The following HDAC7 variants were observed in gnomAD, a reference collection of about 807,000 sequenced individuals.
HDAC7 encodes histone deacetylase 7A.
In HDAC7, 26 loss-of-function variants were observed where a neutral mutation model predicts 115.5. The observed-to-expected ratio is 0.23, with a 90% CI of 0.16 to 0.31. The LOEUF is 0.31. HDAC7 is among the 10% of genes least tolerant of loss of function. The pLI, the probability that HDAC7 is intolerant of heterozygous loss-of-function variation, is 1.00. For synonymous variants in HDAC7, 564 were observed against 550.9 expected, an observed-to-expected ratio of 1.02 and a Z score of -0.33; for missense variants, 1,068 against 1,329.0, an observed-to-expected ratio of 0.80 and a Z score of 3.05.
At chr12:47,814,005 C>T (rs1388883009) in intron 1 of HDAC7, among the ~76,000 whole-genome samples, 2 of 152,218 alleles carry the variant, frequency 1.3e-5, no homozygotes, top group Middle Eastern at 3.2e-3. Context: ...TGAAAGTTAA[C>T]CTCCTGAGAG....
intron 1 of HDAC7, among the ~76,000 whole-genome samples, chr12:47,805,064 C>A (rs886826454): frequency 3.4e-5 from 5 of 147,952 alleles, no homozygotes; most frequent in Non-Finnish European, 7.5e-5. Context: ...CCTCCAGTGT[C>A]TTTTCTTAAT....
chr12:47,787,654 C>T, intron 21 of HDAC7, 58 bp downstream of exon 21: 2 of 1,274,172 alleles, frequency 1.6e-6, no homozygotes, highest in East Asian at 2.5e-5. Flanking sequence ...CCCTGGTGCT[C>T]TTGGGAGAAG....
At chr12:47,810,846 CT>C (rs1197241846) in intron 1 of HDAC7, among the ~76,000 whole-genome samples, 79 of 84,046 alleles carry the variant, frequency 9.4e-4, no homozygotes, top group Admixed American at 7.8e-3. Flanking sequence ...CTCTCTCTCT[CT>C]ATCTCTATCT....
At chr12:47,801,234 C>T (rs1944150499) in intron 2 of HDAC7, among the ~76,000 whole-genome samples, 3 of 152,322 alleles carry the variant, frequency 2.0e-5, no homozygotes, top group Middle Eastern at 6.8e-3. Context: ...CTGAGTTAAG[C>T]TCCATAGGGC....
At chr12:47,808,732 C>T (rs1944518158) in intron 1 of HDAC7, among the ~76,000 whole-genome samples, 1 of 152,226 alleles carries the variant, frequency 6.6e-6, no homozygotes, top group Admixed American at 6.5e-5. Flanking sequence ...CCTGCATCTA[C>T]TTCCTATTAC....
At chr12:47,815,537 A>C (rs556619472) in intron 1 of HDAC7, among the ~76,000 whole-genome samples, 6 of 152,326 alleles carry the variant, frequency 3.9e-5, no homozygotes, top group Non-Finnish European at 7.3e-5. Context: ...GGATCACCTG[A>C]AGCACCTGTT....
chr12:47,820,204 C>A (rs968643503), upstream of HDAC7, among the ~76,000 whole-genome samples: 10 of 151,800 alleles, frequency 6.6e-5, no homozygotes, highest in Admixed American at 1.3e-4. The surrounding 1 kb of genome is among the most constrained non-coding windows in gnomAD (Gnocchi z 4.3). Flanking sequence ...CGCTCCGAGC[C>A]GTGCACAATT....
intron 1 of HDAC7, among the ~76,000 whole-genome samples, chr12:47,805,366 A>G (rs1592683695): frequency 6.7e-6 from 1 of 150,194 alleles, no homozygotes; most frequent in Non-Finnish European, 1.5e-5. Context: ...GGCTGTTCCC[A>G]CCTCCCTGGA....
chr12:47,796,876 C>T (rs1943879160), intron 7 of HDAC7, 141 bp downstream of exon 7: 9 of 893,982 alleles, frequency 1.0e-5, no homozygotes, highest in South Asian at 5.1e-5. Context: ...TCCCCCGCTT[C>T]GGCAAGTGTG....
Position 47,794,790 on chromosome 12 carries a change from T to C in HDAC7, c.1428A>G (p.Arg476=). 1 of 1,610,572 alleles carries C rather than the reference T, an allele frequency of 6.2e-7. No homozygotes were observed. ...RELGHGQPEA[R]GPAPLQQHPQ... ...GGTGCTGCTGGAGAGGAGCGGGGCCTCTGGCCTCAGGCTGCCCATGGCCCA... is the reference window on the plus strand; with the variant it reads ...GGTGCTGCTGGAGAGGAGCGGGGCCCCTGGCCTCAGGCTGCCCATGGCCCA... Residue 476 remains arginine, a synonymous_variant, in exon 12 of 26, where the codon AGA becomes AGG. Transcript: ENST00000080059.
chr12:47,792,158 G>A (rs951880611), intron 13 of HDAC7, 154 bp from the exon 14 acceptor site: 2 of 836,848 alleles, frequency 2.4e-6, no homozygotes, highest in Non-Finnish European at 3.6e-6. Context: ...ATTTCATCCT[G>A]CCCCTACCCC....
rs774438880 is a variant in HDAC7, at chr12:47,797,824, A to AGG, written c.461+282_461+283dup. Among the ~76,000 whole-genome samples the AGG allele has an allele frequency of 1.4e-5, 2 of 141,752 alleles. No individual in the cohort carries two copies. The highest frequency in any genetic ancestry group is 1.5e-5 in the Non-Finnish European group (1 of 65,218). The allele number at this position is 141,752 out of a possible 152,430, so 93.0% of individuals were successfully genotyped here. ...CGCTCAGGGAAAATATAAAGAGAGA[A>AGG]GGGGCTCATGTGCAAGAAAAAAGCC... On this transcript the variant is annotated intron_variant, in intron 5 of 25. Coordinates refer to ENST00000080059, the MANE Select transcript of HDAC7 (RefSeq NM_015401.5). The surrounding 1 kb of genome is among the most constrained non-coding windows in gnomAD (Gnocchi z 5.5).
rs1405019333 is a variant in HDAC7, at chr12:47,795,549, G to A, written c.1087+38C>T. 1 of 1,544,510 alleles carries A rather than the reference G, an allele frequency of 6.5e-7. No individual in the cohort carries two copies. Among genetic ancestry groups the A allele is most frequent in the East Asian group, 2.4e-5 (1 of 40,956 alleles). On this transcript the variant is annotated intron_variant, in intron 10 of 25. Transcript: ENST00000080059. This position sits in a 1 kb window ranked among gnomAD's most constrained non-coding sequence, Gnocchi z 4.3. ...CAAGCTTGGCTCTTAGCAGGGTGCAGGGACCCAGCCCCTTCCCTGAAGAAG... is the reference window on the plus strand; with the variant it reads ...CAAGCTTGGCTCTTAGCAGGGTGCAAGGACCCAGCCCCTTCCCTGAAGAAG...
chr12:47,794,837 C>A lies in HDAC7; in HGVS notation c.1381G>T (p.Asp461Tyr). 6.2e-7 allele frequency: 1 copy of A among 1,613,260 alleles called. No homozygotes were observed. ...CCCAGCTCCCTGTGCTCCAGGCCAT[C>A]GTCCACCACCTGGCCCGGTCCCCCG... ...DGGGPGQVVD[D>Y]GLEHRELGHG... The change falls in exon 12 of 26, where the codon GAT becomes TAT. Residue 461 changes from aspartate (D) to tyrosine (Y), a missense_variant. Transcript: ENST00000080059.
intron 2 of HDAC7, 101 bp downstream of exon 2, chr12:47,802,123 C>T (rs1207249677): frequency 8.6e-6 from 11 of 1,284,816 alleles, no homozygotes; most frequent in Admixed American, 2.1e-5. Context: ...GATCAGCCAG[C>T]GACCCTGCTT....
intron 2 of HDAC7, among the ~76,000 whole-genome samples, chr12:47,799,576 C>A (rs996514958): frequency 6.6e-6 from 1 of 152,344 alleles, no homozygotes; most frequent in African/African-American, 2.4e-5. Context: ...GCCTGCAGAA[C>A]CCTGTGCCCA....
chr12:47,792,696 A>C, intron 13 of HDAC7: 1 of 455,938 alleles, frequency 2.2e-6, no homozygotes, highest in South Asian at 1.5e-5. Context: ...AAGCATGAGG[A>C]AAGATTTATG....
At chr12:47,800,694 A>C (rs1186902095) in intron 2 of HDAC7, among the ~76,000 whole-genome samples, 5 of 152,136 alleles carry the variant, frequency 3.3e-5, no homozygotes, top group Non-Finnish European at 7.4e-5. Context: ...GACTCCCCTG[A>C]TTATGCAAGA....
chr12:47,787,071 C>T (rs766713031), intron 21 of HDAC7, among the ~76,000 whole-genome samples: 5 of 152,162 alleles, frequency 3.3e-5, no homozygotes, highest in African/African-American at 7.2e-5. Flanking sequence ...CACAGCCTTG[C>T]GGAGATGGAC....
Sources: gnomAD v4.1 joint callset for allele counts (sites outside exome capture counted in the v4.1 genomes callset) on GRCh38, gnomAD v4.1.1 for gene constraint, Gnocchi (gnomAD v3.1) non-coding constraint, MANE v1.5 for transcripts, NCBI Gene and HGNC (gene_info 2026-07-23, HGNC 2026-07-21) for gene names.